Variants in HS6ST3 observed in about 807,000 individuals in gnomAD.
HS6ST3 encodes heparan sulfate 6-O-sulfotransferase 3.
Under a neutral mutation model 36.7 loss-of-function variants are expected in HS6ST3, and 12 were observed. The observed-to-expected ratio is 0.33, with a 90% confidence interval of 0.21 to 0.53. The LOEUF (loss-of-function observed/expected upper bound fraction) is 0.53, where lower values mean the gene tolerates loss of function less well. HS6ST3 is among the 20% of genes least tolerant of loss of function. The pLI is 0.95. For missense variants in HS6ST3, 584 were observed against 640.9 expected, an observed-to-expected ratio of 0.91 and a Z score of 0.96; for synonymous variants, 240 against 257.5, an observed-to-expected ratio of 0.93 and a Z score of 0.65.
intron 1 of HS6ST3, among the ~76,000 whole-genome samples, chr13:96,173,333 C>T (rs952354869): frequency 9.9e-5 from 15 of 152,122 alleles, no homozygotes; most frequent in Admixed American, 7.2e-4. Flanking sequence ...ATTCAAGTTG[C>T]CCTAACAAGG....
chr13:96,790,956 G>A (rs947117195), intron 1 of HS6ST3, among the ~76,000 whole-genome samples: 3 of 151,990 alleles, frequency 2.0e-5, no homozygotes, highest in Non-Finnish European at 2.9e-5. Flanking sequence ...AGTGTTACAA[G>A]AGAACATATG....
At chr13:96,670,214 G>T (rs1169332936) in intron 1 of HS6ST3, among the ~76,000 whole-genome samples, 1 of 152,120 alleles carries the variant, frequency 6.6e-6, no homozygotes, top group Non-Finnish European at 1.5e-5. Flanking sequence ...GATGGGAGTG[G>T]CTAGCTGTGT....
chr13:96,372,989 C>G (rs778134040), intron 1 of HS6ST3, among the ~76,000 whole-genome samples: 1 of 152,150 alleles, frequency 6.6e-6, no homozygotes, highest in Non-Finnish European at 1.5e-5. Context: ...GGACCATGCT[C>G]CTTCTGAAGG....
chr13:96,520,481 C>T (rs191928786), intron 1 of HS6ST3, among the ~76,000 whole-genome samples: 1 of 152,312 alleles, frequency 6.6e-6, no homozygotes, highest in African/African-American at 2.4e-5. Context: ...TTCTTCCTAT[C>T]CATAAGCATG....
intron 1 of HS6ST3, among the ~76,000 whole-genome samples, chr13:96,401,662 C>T (rs543265318): frequency 2.0e-4 from 30 of 152,228 alleles, no homozygotes; most frequent in African/African-American, 3.9e-4. Context: ...GCAACCTCCA[C>T]CTCCCGGGCT....
intron 1 of HS6ST3, among the ~76,000 whole-genome samples, chr13:96,285,178 A>G (rs927699559): frequency 2.8e-4 from 42 of 152,234 alleles, no homozygotes; most frequent in African/African-American, 1.0e-3. Flanking sequence ...CAGAACTTCA[A>G]GCACCTCTTC....
intron 1 of HS6ST3, among the ~76,000 whole-genome samples, chr13:96,227,748 T>C (rs2054487812): frequency 6.6e-6 from 1 of 152,194 alleles, no homozygotes. Context: ...CTTATATTAA[T>C]TTCAATACAG....
chr13:96,180,377 A>T (rs2139339631), intron 1 of HS6ST3, among the ~76,000 whole-genome samples: 1 of 152,276 alleles, frequency 6.6e-6, no homozygotes, highest in South Asian at 2.1e-4. Flanking sequence ...TTCTTCTCTG[A>T]TCCTAGGAAT....
chr13:96,286,078 C>A (rs541611660), intron 1 of HS6ST3, among the ~76,000 whole-genome samples: 2 of 147,658 alleles, frequency 1.4e-5, no homozygotes, highest in East Asian at 4.3e-4. Flanking sequence ...TTCCTCCTCT[C>A]TCTTTCTCAG....
At chr13:96,127,899 G>C (rs2053959175) in intron 1 of HS6ST3, among the ~76,000 whole-genome samples, 1 of 152,246 alleles carries the variant, frequency 6.6e-6, no homozygotes, top group African/African-American at 2.4e-5. Flanking sequence ...TAGAGAAGTA[G>C]GAAGAGGTAA....
intron 1 of HS6ST3, among the ~76,000 whole-genome samples, chr13:96,518,061 A>G (rs1014670785): frequency 1.3e-5 from 2 of 152,184 alleles, no homozygotes; most frequent in Non-Finnish European, 2.9e-5. Flanking sequence ...TTTTGCAGGA[A>G]CATGATGGAG....
At chr13:96,396,499 T>C (rs1473311282) in intron 1 of HS6ST3, among the ~76,000 whole-genome samples, 2 of 152,164 alleles carry the variant, frequency 1.3e-5, no homozygotes, top group African/African-American at 2.4e-5. Context: ...TATAGATATA[T>C]AGGTTCTACT....
intron 1 of HS6ST3, chr13:96,574,051 A>T: frequency 1.8e-6 from 1 of 543,164 alleles, no homozygotes; most frequent in Non-Finnish European, 3.7e-6. Context: ...CATGGAAGAC[A>T]GGGAGGGACA....
chr13:96,657,779 T>G (rs1175847085), intron 1 of HS6ST3, among the ~76,000 whole-genome samples: 1 of 152,120 alleles, frequency 6.6e-6, no homozygotes, highest in East Asian at 1.9e-4. Flanking sequence ...GGATGGAAGA[T>G]TCTGCAAAAA....
chr13:96,736,108 A>G (rs1876278462), intron 1 of HS6ST3, among the ~76,000 whole-genome samples: 1 of 152,172 alleles, frequency 6.6e-6, no homozygotes, highest in Non-Finnish European at 1.5e-5. Context: ...AGGAAAAATA[A>G]CTAATGGATA....
intron 1 of HS6ST3, among the ~76,000 whole-genome samples, chr13:96,371,832 A>T (rs1157760880): frequency 6.6e-6 from 1 of 152,158 alleles, no homozygotes; most frequent in Non-Finnish European, 1.5e-5. Flanking sequence ...TCTATTGCAT[A>T]TATATGTATT....
chr13:96,460,169 C>T (rs1426829710), intron 1 of HS6ST3, among the ~76,000 whole-genome samples: 31 of 152,030 alleles, frequency 2.0e-4, no homozygotes, highest in Non-Finnish European at 1.5e-5. Flanking sequence ...CAGAATTGAA[C>T]CATTTTTCTA....
At chr13:96,304,169 C>G (rs1313626668) in intron 1 of HS6ST3, among the ~76,000 whole-genome samples, 1 of 150,158 alleles carries the variant, frequency 6.7e-6, no homozygotes, top group African/African-American at 2.5e-5. Context: ...TGATTTTTAC[C>G]TTTCAAATAT....
At chr13:96,123,737 G>A (rs1161398944) in intron 1 of HS6ST3, among the ~76,000 whole-genome samples, 2 of 152,078 alleles carry the variant, frequency 1.3e-5, no homozygotes, top group East Asian at 1.9e-4. Flanking sequence ...TATTCTCAGC[G>A]GAGTTTTGGC....
Sources: allele counts gnomAD v4.1 joint callset (sites outside exome capture counted in the v4.1 genomes callset), GRCh38; gene constraint gnomAD v4.1.1; transcripts MANE v1.5; gene names NCBI Gene and HGNC (gene_info 2026-07-23, HGNC 2026-07-21).